The following GRIA2 variants were observed in gnomAD, a reference collection of about 807,000 sequenced individuals.
GRIA2 encodes the protein glutamate ionotropic receptor AMPA type subunit 2, also known as glutamate receptor 2.
In GRIA2, 14 loss-of-function variants were observed where a neutral mutation model predicts 97.3. The observed-to-expected ratio is 0.14, with a 90% CI of 0.10 to 0.23. The LOEUF (loss-of-function observed/expected upper bound fraction) is 0.23. Ranked by LOEUF, GRIA2 falls within the 10% of genes least tolerant of loss-of-function variation. The pLI is 1.00. For synonymous variants in GRIA2, 412 were observed against 387.8 expected (o/e 1.06, Z -0.73); for missense variants, 558 against 1,069.8 (o/e 0.52, Z 6.67).
chr4:157,251,121 T>A (rs2126741754), intron 2 of GRIA2, among the ~76,000 whole-genome samples: 1 of 152,232 alleles, frequency 6.6e-6, no homozygotes, highest in African/African-American at 2.4e-5. Flanking sequence ...AAGTTTTTTA[T>A]GAAAAATTTC....
intron 11 of GRIA2, among the ~76,000 whole-genome samples, chr4:157,337,593 T>C (rs1735343450): frequency 6.6e-6 from 1 of 152,026 alleles, no homozygotes; most frequent in Non-Finnish European, 1.5e-5. Flanking sequence ...TTGGGCTCTA[T>C]TACCCTTCTT....
At chr4:157,228,173 G>A (rs1262307398) in intron 2 of GRIA2, among the ~76,000 whole-genome samples, 1 of 152,082 alleles carries the variant, frequency 6.6e-6, no homozygotes, top group East Asian at 1.9e-4. Flanking sequence ...CCAGTGCACC[G>A]ACTCACTTAA....
intron 12 of GRIA2, among the ~76,000 whole-genome samples, chr4:157,350,724 A>G (rs1735973470): frequency 6.6e-6 from 1 of 152,078 alleles, no homozygotes; most frequent in Non-Finnish European, 1.5e-5. Flanking sequence ...TCTAGACTCT[A>G]TAATTTCATT....
intron 12 of GRIA2, among the ~76,000 whole-genome samples, chr4:157,357,848 G>T (rs953117171): frequency 3.3e-5 from 5 of 151,972 alleles, no homozygotes; most frequent in African/African-American, 1.2e-4. Context: ...TACACTTAGA[G>T]AAATATTCTT....
intron 6 of GRIA2, among the ~76,000 whole-genome samples, chr4:157,325,721 C>T (rs1178090335): frequency 1.3e-5 from 2 of 152,106 alleles, no homozygotes; most frequent in Non-Finnish European, 2.9e-5. Context: ...AAACTTGGTC[C>T]TTTACTTTTC....
At position 157,321,454 on chromosome 4, in the gene GRIA2, A is replaced by T; in HGVS notation, c.737A>T (p.Asp246Val). ...TATGTTTAGGGATTTACTGATGGAGACCTATTAAAAATCCAGTTTGGAGGT... is the reference window on the plus strand; with the variant it reads ...TATGTTTAGGGATTTACTGATGGAGTCCTATTAAAAATCCAGTTTGGAGGT... ...IIANLGFTDG[D>V]LLKIQFGGAN... Residue 246 changes from aspartate to valine, a missense_variant, in exon 6 of 16, where the codon GAC (aspartate) becomes GTC (valine). Coordinates refer to ENST00000264426, the MANE Select transcript of GRIA2 (RefSeq NM_001083619.3). The T allele has an allele frequency of 6.2e-7, 1 of 1,610,516 alleles. No homozygotes were observed. Among genetic ancestry groups the T allele is most frequent in the Non-Finnish European group, 8.5e-7 (1 of 1,177,474 alleles).
chr4:157,258,534 C>T (rs111708747), intron 2 of GRIA2, among the ~76,000 whole-genome samples: 32 of 152,080 alleles, frequency 2.1e-4, no homozygotes, highest in African/African-American at 7.0e-4. Context: ...AATGTATGCC[C>T]GAAACTTCAT....
At chr4:157,254,690 G>A (rs1024497590) in intron 2 of GRIA2, among the ~76,000 whole-genome samples, 2 of 152,040 alleles carry the variant, frequency 1.3e-5, no homozygotes, top group African/African-American at 4.8e-5. Context: ...GTCACCCGGA[G>A]TTGGAGAGGC....
chr4:157,250,997 AGG>A (rs989521557), intron 2 of GRIA2, among the ~76,000 whole-genome samples: 1 of 151,950 alleles, frequency 6.6e-6, no homozygotes, highest in Non-Finnish European at 1.5e-5. Flanking sequence ...ACCTTTTTCT[AGG>A]GGTTGGGGAA....
intron 11 of GRIA2, among the ~76,000 whole-genome samples, chr4:157,340,525 A>T (rs948044689): frequency 4.6e-5 from 7 of 151,934 alleles, no homozygotes; most frequent in Non-Finnish European, 8.8e-5. Flanking sequence ...TCAAACTAGA[A>T]ATTTATGTCT....
At chr4:157,301,375 G>A (rs72687314) in intron 2 of GRIA2, among the ~76,000 whole-genome samples, 3 of 152,166 alleles carry the variant, frequency 2.0e-5, no homozygotes, top group Non-Finnish European at 2.9e-5. Context: ...ATGAATAAAA[G>A]ACAGTTATTT....
intron 2 of GRIA2, among the ~76,000 whole-genome samples, chr4:157,275,510 TGTAA>T (rs1223357773): frequency 6.6e-6 from 1 of 152,196 alleles, no homozygotes; most frequent in African/African-American, 2.4e-5. Context: ...AGGTCTAACA[TGTAA>T]GTCTTTAATC....
At chr4:157,344,464 G>A (rs2126958335) in intron 12 of GRIA2, among the ~76,000 whole-genome samples, 1 of 152,080 alleles carries the variant, frequency 6.6e-6, no homozygotes, top group Middle Eastern at 3.4e-3. Context: ...GGGTGAAGTG[G>A]GCTAAAGCCA....
At chr4:157,350,364 C>T (rs1331949959) in intron 12 of GRIA2, among the ~76,000 whole-genome samples, 1 of 152,030 alleles carries the variant, frequency 6.6e-6, no homozygotes, top group Non-Finnish European at 1.5e-5. Context: ...AGTGCGGTAT[C>T]TAGATCTGGG....
chr4:157,229,352 T>C (rs1729898203), intron 2 of GRIA2, among the ~76,000 whole-genome samples: 1 of 152,218 alleles, frequency 6.6e-6, no homozygotes, highest in Non-Finnish European at 1.5e-5. Flanking sequence ...CACATTATCA[T>C]ATTACTGGGA....
intron 6 of GRIA2, among the ~76,000 whole-genome samples, chr4:157,330,744 C>T (rs180756117): frequency 9.5e-4 from 145 of 151,940 alleles, no homozygotes; most frequent in Middle Eastern, 6.8e-3. Flanking sequence ...ACTGTAAAAA[C>T]GATTTCCCTG....
At chr4:157,343,875 AGTAAT>A (rs1735655672) in intron 12 of GRIA2, among the ~76,000 whole-genome samples, 1 of 152,104 alleles carries the variant, frequency 6.6e-6, no homozygotes, top group Non-Finnish European at 1.5e-5. Flanking sequence ...CTAGTTCATG[AGTAAT>A]TTTGAGCAAT....
intron 2 of GRIA2, among the ~76,000 whole-genome samples, chr4:157,298,073 G>A (rs1366814163): frequency 6.6e-6 from 1 of 152,030 alleles, no homozygotes; most frequent in Non-Finnish European, 1.5e-5. Flanking sequence ...TTGGAAGACA[G>A]ATCCTTGACT....
intron 2 of GRIA2, among the ~76,000 whole-genome samples, chr4:157,271,516 T>A (rs1052528861): frequency 1.3e-5 from 2 of 152,096 alleles, no homozygotes; most frequent in Admixed American, 1.3e-4. Flanking sequence ...AAGATAAATA[T>A]GAAGAGACAC....
Sources: allele counts gnomAD v4.1 joint callset (sites outside exome capture counted in the v4.1 genomes callset), GRCh38; gene constraint gnomAD v4.1.1; transcripts MANE v1.5; gene names NCBI Gene and HGNC (gene_info 2026-07-23, HGNC 2026-07-21).